PTBP3: variants seen among roughly 807,000 people sequenced by gnomAD.
The protein encoded by PTBP3 is polypyrimidine tract-binding protein 3.
Under a neutral mutation model 58.7 loss-of-function variants are expected in PTBP3, and 20 were observed. The ratio of observed to expected loss-of-function variants is 0.34; its 90% CI spans 0.24 to 0.50. The LOEUF is 0.50. PTBP3 is among the 20% of genes least tolerant of loss of function. The pLI is 0.98. For missense variants in PTBP3, 509 were observed against 637.2 expected (o/e 0.80, Z 2.17); for synonymous variants, 185 against 219.8 (o/e 0.84, Z 1.40).
chr9:112,374,211 T>C, the PTBP3 span, among the ~76,000 whole-genome samples: 1 of 152,168 alleles, frequency 6.6e-6, no homozygotes. Flanking sequence ...TCTTAGCCCA[T>C]TGACTTAAAA....
chr9:112,253,934 T>C (rs991669014), intron 5 of PTBP3, among the ~76,000 whole-genome samples: 14 of 152,192 alleles, frequency 9.2e-5, no homozygotes, highest in Admixed American at 3.3e-4. Flanking sequence ...GAAAATGAAC[T>C]AATATTCACT....
chr9:112,232,729 T>A (rs1349659317), intron 8 of PTBP3, among the ~76,000 whole-genome samples: 2 of 152,336 alleles, frequency 1.3e-5, no homozygotes, highest in Non-Finnish European at 2.9e-5. Flanking sequence ...TATAAAATGC[T>A]ATATTAAATA....
At chr9:112,241,188 C>T (rs1032355771) in intron 7 of PTBP3, among the ~76,000 whole-genome samples, 7 of 152,268 alleles carry the variant, frequency 4.6e-5, no homozygotes, top group Middle Eastern at 3.4e-3. Context: ...ACTGCAGACT[C>T]CGCCTCCTGG....
At position 112,297,727 on chromosome 9, in the gene PTBP3, T is replaced by C. The variant is rs576227619; in HGVS notation, c.34+105A>G. The C allele has an allele frequency of 4.9e-5, 45 of 914,152 alleles. No individual in the cohort carries two copies. The African/African-American group carries it at 7.0e-4, about 14-fold the overall frequency. 56.6% of individuals were successfully genotyped at this position (914,152 alleles called of 1,614,324 possible). On this transcript the variant is annotated intron_variant, in intron 2 of 13. Coordinates refer to ENST00000374257, the MANE Select transcript of PTBP3 (RefSeq NM_001163788.4). ...TACCGAAACAAATTTTAGCTTTTGT[T>C]ATGAACAGTGGCACTTCAACATGAT... is the stretch of plus-strand genomic sequence containing the variant.
At chr9:112,317,324 G>A (rs1829750056) in intron 1 of PTBP3, among the ~76,000 whole-genome samples, 1 of 151,156 alleles carries the variant, frequency 6.6e-6, no homozygotes, top group African/African-American at 2.4e-5. Context: ...TGGGAGCTGA[G>A]GTGGGAGGAT....
At chr9:112,295,631 A>G (rs1469708733) in intron 2 of PTBP3, among the ~76,000 whole-genome samples, 1 of 150,110 alleles carries the variant, frequency 6.7e-6, no homozygotes, top group Non-Finnish European at 1.5e-5. Context: ...AAAGAATAGC[A>G]TTGGGGTACA....
chr9:112,222,191 G>T lies in PTBP3; in HGVS notation c.*1660C>A, dbSNP rs906944208. ...GGGTAGACAAAAAAATGACCCTTTTGACAAATTCTGCTTTAAAAAATTCTG... is the reference window on the plus strand; with the variant it reads ...GGGTAGACAAAAAAATGACCCTTTTTACAAATTCTGCTTTAAAAAATTCTG... On this transcript the variant is annotated 3_prime_UTR_variant, in exon 14 of 14. Coordinates refer to ENST00000374257, the MANE Select transcript of PTBP3 (RefSeq NM_001163788.4). 2.8e-5 allele frequency: 28 copies of T among 984,542 alleles called. No individual in the cohort carries two copies. The highest frequency in any genetic ancestry group is 3.3e-5 in the Non-Finnish European group (27 of 828,880). 61.0% of individuals were successfully genotyped at this position (984,542 alleles called of 1,614,324 possible).
At chr9:112,275,031 C>A (rs1827548986) in intron 3 of PTBP3, among the ~76,000 whole-genome samples, 1 of 152,138 alleles carries the variant, frequency 6.6e-6, no homozygotes, top group Non-Finnish European at 1.5e-5. Flanking sequence ...AATATTCATT[C>A]TATTTTAAAG....
chr9:112,344,373 A>C, the PTBP3 span, among the ~76,000 whole-genome samples: 1 of 152,184 alleles, frequency 6.6e-6, no homozygotes. Context: ...TTAATACTCA[A>C]GAATCCATTA....
the PTBP3 span, among the ~76,000 whole-genome samples, chr9:112,378,638 A>G: frequency 6.6e-6 from 1 of 152,264 alleles, no homozygotes; most frequent in African/African-American, 2.4e-5. Context: ...GTCTCTATCA[A>G]CACTCTTCTT....
Position 112,302,206 on chromosome 9 carries a change from A to T in PTBP3, c.-51-4290T>A, listed in dbSNP as rs145682771. 2.6e-3 allele frequency among the ~76,000 whole-genome samples: 400 copies of T among 152,348 alleles called. 4 individuals are homozygous for T. Among genetic ancestry groups the T allele is most frequent in the African/African-American group, 9.2e-3 (381 of 41,582 alleles). ...AGCTTTTTGTAAAATGAAAAAAAAC[A>T]TTGACCTAATACCCTCTCTACAACA... On this transcript the variant is annotated intron_variant, in intron 1 of 13. Transcript: ENST00000374257.
intron 12 of PTBP3, among the ~76,000 whole-genome samples, chr9:112,225,277 T>C (rs745465627): frequency 1.3e-5 from 2 of 152,224 alleles, no homozygotes; most frequent in Non-Finnish European, 2.9e-5. Context: ...CACTTGTATA[T>C]CACTTTGAGT....
intron 8 of PTBP3, among the ~76,000 whole-genome samples, chr9:112,232,989 G>C (rs1218091308): frequency 6.6e-6 from 1 of 151,944 alleles, no homozygotes; most frequent in African/African-American, 2.4e-5. Context: ...AAAATAAACA[G>C]TCTGACCACT....
intron 12 of PTBP3, among the ~76,000 whole-genome samples, chr9:112,226,483 G>A (rs1278754252): frequency 6.6e-6 from 1 of 151,890 alleles, no homozygotes; most frequent in African/African-American, 2.4e-5. Context: ...TCCCTTTTAT[G>A]TATTAGTTCA....
the PTBP3 span, among the ~76,000 whole-genome samples, chr9:112,344,292 T>C: frequency 2.0e-5 from 3 of 152,250 alleles, no homozygotes; most frequent in African/African-American, 7.2e-5. Flanking sequence ...TGTGGCAGTG[T>C]TGGGAGATGG....
At chr9:112,325,015 C>T (rs1830100069) in intron 1 of PTBP3, among the ~76,000 whole-genome samples, 1 of 152,208 alleles carries the variant, frequency 6.6e-6, no homozygotes, top group African/African-American at 2.4e-5. Context: ...ATGAAACATA[C>T]ATATACCCAA....
intron 2 of PTBP3, among the ~76,000 whole-genome samples, chr9:112,288,045 A>G (rs1268102124): frequency 1.3e-5 from 2 of 152,182 alleles, no homozygotes; most frequent in Non-Finnish European, 2.9e-5. Context: ...TTAAAGTGTT[A>G]GACTTCATTT....
At chr9:112,246,432 C>T (rs1200113284) in intron 7 of PTBP3, among the ~76,000 whole-genome samples, 2 of 152,092 alleles carry the variant, frequency 1.3e-5, no homozygotes, top group East Asian at 1.9e-4. Flanking sequence ...CGGTGGCTCA[C>T]GCCTGTAATC....
intron 4 of PTBP3, among the ~76,000 whole-genome samples, chr9:112,262,806 G>C (rs544514931): frequency 6.6e-6 from 1 of 152,238 alleles, no homozygotes; most frequent in African/African-American, 2.4e-5. Flanking sequence ...ATTTTTAAAA[G>C]GTGCTTAAAT....
Sources: allele counts gnomAD v4.1 joint callset (sites outside exome capture counted in the v4.1 genomes callset), GRCh38; gene constraint gnomAD v4.1.1; transcripts MANE v1.5; gene names NCBI Gene and HGNC (gene_info 2026-07-23, HGNC 2026-07-21).